The following WDR1 variants were observed in gnomAD, a reference collection of about 807,000 sequenced individuals.
WDR1 encodes the protein WD repeat domain 1.
A neutral mutation model predicts 71.9 loss-of-function variants in WDR1; 21 were observed. The observed-to-expected ratio is 0.29, with a 90% CI of 0.21 to 0.42. The LOEUF (loss-of-function observed/expected upper bound fraction) is 0.42. WDR1 is among the 10% of genes least tolerant of loss of function. The pLI is 1.00. For synonymous variants in WDR1, 424 were observed against 347.4 expected (o/e 1.22, Z -2.45); for missense variants, 696 against 824.5 (o/e 0.84, Z 1.91).
intron 2 of WDR1, chr4:10,115,842 A>G (rs945905649): frequency 5.0e-5 from 21 of 420,032 alleles, no homozygotes; most frequent in Admixed American, 2.0e-4. Context: ...AGCTTCCAAG[A>G]TCAGAGGCGA....
At chr4:10,093,905 T>C (rs1712165879) in intron 5 of WDR1, among the ~76,000 whole-genome samples, 1 of 152,186 alleles carries the variant, frequency 6.6e-6, no homozygotes. Context: ...ACCAGAAACC[T>C]TGCCTGTTTT....
rs1244758820 is a variant in WDR1 at position 10,087,857 on chromosome 4, G to A, written c.801C>T (p.Ser267=). Residue 267 remains serine, a synonymous_variant, in exon 8 of 15, where the codon TCC becomes TCT. Transcript: ENST00000499869. ...TSKIWDVSVN[S]VVSTFPMGST... ...AGCCCATGGGAAATGTGCTGACCAC[G>A]GAGTTCACGCTGACGTCCCAAATCT... The A allele has an allele frequency of 1.0e-5, 16 of 1,572,596 alleles. No individual in the cohort carries two copies. The highest frequency in any genetic ancestry group is 4.7e-5 in the East Asian group (2 of 42,828).
intron 2 of WDR1, among the ~76,000 whole-genome samples, chr4:10,105,926 T>C (rs760024654): frequency 6.6e-6 from 1 of 152,162 alleles, no homozygotes. Flanking sequence ...TGCTTAGTGA[T>C]AGAAAGGAAC....
Position 10,116,419 on chromosome 4 carries a change from T to TG in WDR1, c.17-186dup, listed in dbSNP as rs932741745. 5.5e-5 allele frequency: 49 copies of TG among 883,816 alleles called. No homozygotes were observed. In the African/African-American group the frequency reaches 8.0e-4, roughly 14 times the overall value. The allele number at this position is 883,816 out of a possible 1,614,324, so 54.7% of individuals were successfully genotyped here. On this transcript the variant is annotated intron_variant, in intron 1 of 14. Coordinates refer to ENST00000499869, the MANE Select transcript of WDR1 (RefSeq NM_017491.5). The stretch of plus-strand genomic sequence containing the variant: ...TGGTCCGCGCCCCGGGCCAGGCCCT[T>TG]GGGGGCAGCGGGGCTCCTCCGGCTC...
chr4:10,093,935 C>G (rs1208485529), intron 5 of WDR1, among the ~76,000 whole-genome samples: 1 of 152,236 alleles, frequency 6.6e-6, no homozygotes, highest in Non-Finnish European at 1.5e-5. Context: ...TTTTCCTTAT[C>G]TATCAGGAAG....
chr4:10,083,303 T>G, intron 9 of WDR1, 125 bp from the exon 10 acceptor site: 3 of 1,259,184 alleles, frequency 2.4e-6, no homozygotes, highest in Non-Finnish European at 3.2e-6. Context: ...ACATAACCAT[T>G]CCCCCTGGGA....
rs569719103 is a variant in WDR1, at chr4:10,084,940, C to T, written c.952-410G>A. Reference sequence around the variant, plus strand: ...CCAGGAGGACTTCGCTGGCCACATTCGCTTCAGGCCCTGGTTTGTGAGGTT... The same window carrying T: ...CCAGGAGGACTTCGCTGGCCACATTTGCTTCAGGCCCTGGTTTGTGAGGTT... On this transcript the variant is annotated intron_variant, in intron 8 of 14. Transcript: ENST00000499869. Among the ~76,000 whole-genome samples the T allele has an allele frequency of 1.3e-4, 20 of 152,366 alleles. No homozygotes were observed. The East Asian group carries it at 3.5e-3, about 27-fold the overall frequency.
intron 5 of WDR1, 71 bp downstream of exon 5, chr4:10,097,640 C>G (rs1172177454): frequency 2.6e-6 from 4 of 1,524,732 alleles, no homozygotes; most frequent in African/African-American, 2.7e-5. Flanking sequence ...CCATCAGCAT[C>G]TAAACAGGCT....
intron 2 of WDR1, among the ~76,000 whole-genome samples, chr4:10,114,882 G>A (rs1577083325): frequency 6.6e-6 from 1 of 152,188 alleles, no homozygotes; most frequent in Non-Finnish European, 1.5e-5. Flanking sequence ...TCCAGCAGAG[G>A]AACAGCAGCG....
In WDR1 at chr4:10,075,496, G is replaced by T. The variant is rs148982353; in HGVS notation, c.1715-12C>A. ...CAGCCGGTGTGCATCTGGGAAGAAA[G>T]GGTGCAATTTAACGAAAAGCCAAAC... On this transcript the variant is annotated splice_polypyrimidine_tract_variant and intron_variant, in intron 14 of 14. Transcript: ENST00000499869. 98 of 1,613,336 alleles carry T rather than the reference G, an allele frequency of 6.1e-5. No homozygotes were observed. The highest frequency in any genetic ancestry group is 8.2e-5 in the Non-Finnish European group (97 of 1,179,568).
intron 3 of WDR1, among the ~76,000 whole-genome samples, chr4:10,101,520 G>A (rs748426923): frequency 3.3e-5 from 5 of 152,152 alleles, no homozygotes; most frequent in African/African-American, 7.2e-5. Context: ...ATATGATCTC[G>A]CCCAAGAACA....
chr4:10,098,279 C>CT (rs1257491897), intron 4 of WDR1, among the ~76,000 whole-genome samples: 1 of 152,218 alleles, frequency 6.6e-6, no homozygotes, highest in East Asian at 1.9e-4. Context: ...AACAAAAACA[C>CT]TGTTTTAGTT....
intron 4 of WDR1, 27 bp from the exon 5 acceptor site, chr4:10,097,918 CAAA>C (rs748635612): frequency 5.9e-3 from 7,073 of 1,193,344 alleles, no homozygotes; most frequent in South Asian, 0.015. Flanking sequence ...AGGTGGAAGA[CAAA>C]AAAAAAAAAA....
chr4:10,091,061 G>C (rs569580688), intron 5 of WDR1, among the ~76,000 whole-genome samples: 21 of 152,382 alleles, frequency 1.4e-4, no homozygotes. Context: ...GCACCTGGGT[G>C]CTGCAAGGCT....
intron 2 of WDR1, among the ~76,000 whole-genome samples, chr4:10,109,863 G>C (rs1713243994): frequency 6.6e-6 from 1 of 152,206 alleles, no homozygotes; most frequent in South Asian, 2.1e-4. Flanking sequence ...CAACAGGGCA[G>C]TCATGAAGAC....
At position 10,087,888 on chromosome 4, in the gene WDR1, G is replaced by C; in HGVS notation, c.770C>G (p.Thr257Ser). Reference sequence around the variant, plus strand: ...CACGCTGACGTCCCAAATCTTGGAAGTTTTGTCCCCAGAAGCAGAAAGCAA... The same window carrying C: ...CACGCTGACGTCCCAAATCTTGGAACTTTTGTCCCCAGAAGCAGAAAGCAA... ...THLLSASGDKTSKIWDVSVNS... is the reference protein window; with the variant it reads ...THLLSASGDKSSKIWDVSVNS... The change falls in exon 8 of 15, where the codon ACT becomes AGT. Residue 257 changes from threonine (T) to serine (S), a missense_variant. Transcript: ENST00000499869. 6.4e-7 allele frequency: 1 copy of C among 1,564,162 alleles called. No individual in the cohort carries two copies. The highest frequency in any genetic ancestry group is 8.7e-7 in the Non-Finnish European group (1 of 1,153,452).
chr4:10,084,634 G>A (rs1034218067), intron 8 of WDR1, 104 bp from the exon 9 acceptor site: 44 of 1,064,604 alleles, frequency 4.1e-5, no homozygotes, highest in Admixed American at 2.0e-4. Context: ...GGGGGCAGAC[G>A]CCCCTCAATC....
chr4:10,080,049 G>A lies in WDR1; in HGVS notation c.1285-1048C>T, dbSNP rs1306461340. Among the ~76,000 whole-genome samples the A allele has an allele frequency of 2.6e-5, 4 of 152,316 alleles. No individual in the cohort carries two copies. In the East Asian group the frequency reaches 7.7e-4, roughly 29 times the overall value. On this transcript the variant is annotated intron_variant, in intron 11 of 14. Transcript: ENST00000499869. ...GCAGGGGTTCCAGATGCCCTGGGAG[G>A]ATCAGGTAACAGCAGATCACAGAGA...
chr4:10,083,239 T>C (rs867579326), intron 9 of WDR1, 61 bp from the exon 10 acceptor site: 46 of 1,559,388 alleles, frequency 2.9e-5, no homozygotes, highest in Middle Eastern at 1.7e-4. Flanking sequence ...CAGGTGTGGC[T>C]TCAGTCCTAA....
Sources: gnomAD v4.1 joint callset for allele counts (sites outside exome capture counted in the v4.1 genomes callset) on GRCh38, gnomAD v4.1.1 for gene constraint, MANE v1.5 for transcripts, NCBI Gene and HGNC (gene_info 2026-07-23, HGNC 2026-07-21) for gene names.